Variants in LAMA1 observed in about 807,000 individuals in gnomAD.
LAMA1 encodes laminin subunit alpha-1.
LAMA1 carries 219 observed loss-of-function variants against 348.7 expected under a neutral mutation model. The ratio of observed to expected loss-of-function variants is 0.63; its 90% CI spans 0.56 to 0.70. The LOEUF (loss-of-function observed/expected upper bound fraction) is 0.70. Ranked by LOEUF, LAMA1 falls within the 30% of genes least tolerant of loss-of-function variation. The pLI is 0.00. For synonymous variants in LAMA1, 1,487 were observed against 1,491.0 expected (o/e 1.00, Z 0.06); for missense variants, 3,744 against 3,888.0 (o/e 0.96, Z 0.99).
chr18:7,007,321 T>C (rs1191749426), intron 28 of LAMA1, 45 bp from the exon 29 acceptor site: 3 of 1,588,722 alleles, frequency 1.9e-6, no homozygotes, highest in Non-Finnish European at 2.6e-6. Flanking sequence ...GATTAATGAG[T>C]GAGTGAAGGA....
rs1257458372 is a variant in LAMA1, at chr18:6,973,584, AAAG to A, written c.6624-380_6624-378del. Among the ~76,000 whole-genome samples the A allele has an allele frequency of 9.2e-5, 14 of 152,330 alleles. No homozygotes were observed. The Middle Eastern group carries it at 0.017, about 185-fold the overall frequency. On this transcript the variant is annotated intron_variant, in intron 46 of 62. Coordinates refer to ENST00000389658, the MANE Select transcript of LAMA1 (RefSeq NM_005559.4). ...AGTGATTACCTCTGAAGGATTTTAAAAAGAAGAATTTTGCTTTGTGCCTGAATT... is the reference window on the plus strand; with the variant it reads ...AGTGATTACCTCTGAAGGATTTTAAAAAGAATTTTGCTTTGTGCCTGAATT...
intron 1 of LAMA1, among the ~76,000 whole-genome samples, chr18:7,107,387 A>G (rs897767460): frequency 1.3e-4 from 19 of 151,896 alleles, no homozygotes; most frequent in African/African-American, 2.2e-4. Context: ...CAAAGTGCTG[A>G]GATTACAGGC....
chr18:7,099,168 C>A (rs920689470), intron 1 of LAMA1, among the ~76,000 whole-genome samples: 35 of 151,000 alleles, frequency 2.3e-4, no homozygotes, highest in African/African-American at 8.5e-4. Flanking sequence ...GTGACCTTAC[C>A]CCCAACCCTG....
intron 19 of LAMA1, among the ~76,000 whole-genome samples, chr18:7,022,269 G>C (rs1479792015): frequency 6.6e-6 from 1 of 152,160 alleles, no homozygotes; most frequent in Non-Finnish European, 1.5e-5. Flanking sequence ...ACCAAGGCTT[G>C]CAGTAATGAT....
chr18:7,037,471 A>G (rs1361530594), intron 12 of LAMA1, 107 bp downstream of exon 12: 4 of 1,249,684 alleles, frequency 3.2e-6, no homozygotes, highest in Non-Finnish European at 4.7e-6. Flanking sequence ...GCTGTCCAAC[A>G]CTCAGGTGCC....
intron 1 of LAMA1, among the ~76,000 whole-genome samples, chr18:7,115,875 G>A (rs1046603856): frequency 1.3e-5 from 2 of 150,768 alleles, no homozygotes; most frequent in Non-Finnish European, 2.9e-5. Context: ...CCAGCTACTC[G>A]GGAGGCTGAG....
At chr18:6,987,175 C>A (rs145578165) in intron 36 of LAMA1, among the ~76,000 whole-genome samples, 1 of 152,066 alleles carries the variant, frequency 6.6e-6, no homozygotes, top group South Asian at 2.1e-4. Context: ...TGTGGGAATC[C>A]GAACACTTAA....
chr18:6,996,382 C>T (rs994504531), intron 33 of LAMA1, among the ~76,000 whole-genome samples: 12 of 152,126 alleles, frequency 7.9e-5, no homozygotes, highest in African/African-American at 2.4e-4. Flanking sequence ...TTAGGAATGG[C>T]CATCCCTTTT....
chr18:6,997,820 A>G lies in LAMA1; in HGVS notation c.4728T>C (p.Leu1576=), dbSNP rs1432828671. 1 of 1,614,144 alleles carries G rather than the reference A, an allele frequency of 6.2e-7. No homozygotes were observed. Among genetic ancestry groups the G allele is most frequent in the Non-Finnish European group, 8.5e-7 (1 of 1,179,938 alleles). ...GGATAATGCCAGTGAGGTTCAGAGAAAGAACGGCATCACCAATCTCATCCA... is the reference window on the plus strand; with the variant it reads ...GGATAATGCCAGTGAGGTTCAGAGAGAGAACGGCATCACCAATCTCATCCA... ...NDLDEIGDAV[L]SLNLTGIIPV... The change falls in exon 33 of 63, where the codon CTT becomes CTC. Residue 1576 remains leucine (L), a synonymous_variant. Coordinates refer to ENST00000389658, the MANE Select transcript of LAMA1 (RefSeq NM_005559.4).
At chr18:7,115,512 G>A (rs995565865) in intron 1 of LAMA1, among the ~76,000 whole-genome samples, 1 of 151,778 alleles carries the variant, frequency 6.6e-6, no homozygotes, top group African/African-American at 2.4e-5. Flanking sequence ...GAAATGACAG[G>A]GAACGTCTAA....
At chr18:6,973,892 GC>G (rs2057669652) in intron 46 of LAMA1, among the ~76,000 whole-genome samples, 2 of 152,270 alleles carry the variant, frequency 1.3e-5, no homozygotes, top group East Asian at 3.9e-4. Flanking sequence ...GTGATTCCCT[GC>G]CTGAACCTCC....
intron 3 of LAMA1, among the ~76,000 whole-genome samples, chr18:7,059,255 A>G (rs2058093983): frequency 1.3e-5 from 2 of 152,042 alleles, no homozygotes; most frequent in Admixed American, 6.6e-5. Flanking sequence ...CTTTTTTTGC[A>G]TGGTTGACTA....
chr18:6,950,785 G>C lies in LAMA1; in HGVS notation c.8394C>G (p.His2798Gln). ...CACAAGCCTCCTGAGATCGTACCGT[G>C]TGCCACTTGCCATCACTGAGCAGTG... Reference protein sequence around the residue: ...HPALLSDGKWHTVKTDYVKRK... With the variant: ...HPALLSDGKWQTVKTDYVKRK... Residue 2798 changes from histidine to glutamine, a missense_variant, in exon 58 of 63, where the codon CAC becomes CAG. His to Gln is a conservative substitution (Grantham distance 24, BLOSUM62 0). Around this residue, in one of 3 missense-constraint regions of LAMA1, gnomAD observed 1,983 missense variants for 1,934.3 expected, o/e 1.03. Transcript: ENST00000389658. 6.2e-7 allele frequency: 1 copy of C among 1,614,006 alleles called. No individual in the cohort carries two copies. The highest frequency in any genetic ancestry group is 8.5e-7 in the Non-Finnish European group (1 of 1,179,934).
At chr18:6,985,195 T>C (rs748470765) in intron 39 of LAMA1, 42 bp downstream of exon 39, 11 of 1,610,218 alleles carry the variant, frequency 6.8e-6, no homozygotes, top group South Asian at 5.5e-5. Context: ...CTCCGATCAA[T>C]AGACTGCAAG....
intron 8 of LAMA1, 83 bp downstream of exon 8, chr18:7,043,144 A>G: frequency 1.5e-6 from 2 of 1,337,514 alleles, no homozygotes; most frequent in Non-Finnish European, 1.1e-6. Context: ...AAAGTCTCCA[A>G]TACAGAGGTT....
intron 1 of LAMA1, among the ~76,000 whole-genome samples, chr18:7,099,450 C>A (rs2058282156): frequency 6.6e-6 from 1 of 150,414 alleles, no homozygotes. Flanking sequence ...TGAGAAACAC[C>A]CAAGAATTAT....
chr18:7,074,323 T>C (rs570157010), intron 3 of LAMA1, among the ~76,000 whole-genome samples: 5 of 152,216 alleles, frequency 3.3e-5, no homozygotes, highest in Non-Finnish European at 5.9e-5. Context: ...ATAATGACGA[T>C]GAACATCTTT....
In LAMA1 at chr18:6,982,585, T is replaced by G. The variant is rs368004074; in HGVS notation, c.5802A>C (p.Ser1934=). 1 of 1,613,990 alleles carries G rather than the reference T, an allele frequency of 6.2e-7. No homozygotes were observed. The highest frequency in any genetic ancestry group is 8.5e-7 in the Non-Finnish European group (1 of 1,179,972). The change falls in exon 41 of 63, where the codon TCA becomes TCC. Residue 1934 remains serine, a synonymous_variant. Coordinates refer to ENST00000389658, the MANE Select transcript of LAMA1 (RefSeq NM_005559.4). ...CTTTCCCGTTAGAAACAAGGGATTC[T>G]GAGAGCTGGAAAACAGAACCACTTA... The part of the protein sequence containing the change: ...HRTVTETSLL[S]ESLVSNGKAA...
rs2057846761 is a variant in LAMA1 at position 7,009,108 on chromosome 18, A to G, written c.4001+131T>C. The stretch of plus-strand genomic sequence containing the variant: ...TTCCATAATGATATTAATATTTAAC[A>G]ATGTTTTGGTAAGGAACTGAACTAC... On this transcript the variant is annotated intron_variant, in intron 27 of 62. Coordinates refer to ENST00000389658, the MANE Select transcript of LAMA1 (RefSeq NM_005559.4). 5.1e-6 allele frequency: 5 copies of G among 981,840 alleles called. No individual in the cohort carries two copies. The South Asian group carries it at 7.0e-5, about 14-fold the overall frequency. The allele number at this position is 981,840 out of a possible 1,614,324, so 60.8% of individuals were successfully genotyped here. A position where few individuals can be genotyped will look rare whatever the true frequency, so the allele number is the denominator to read the frequency against.
Sources: gnomAD v4.1 joint callset for allele counts (sites outside exome capture counted in the v4.1 genomes callset) on GRCh38, gnomAD v4.1.1 for gene constraint, gnomAD v4.1.1 regional missense constraint, MANE v1.5 for transcripts, NCBI Gene and HGNC (gene_info 2026-07-23, HGNC 2026-07-21) for gene names.